GALNTL6: variants seen among roughly 807,000 people sequenced by gnomAD.
The protein encoded by GALNTL6 is polypeptide N-acetylgalactosaminyltransferase-like 6.
GALNTL6 carries 46 observed loss-of-function variants against 73.7 expected under a neutral mutation model. The ratio of observed to expected loss-of-function variants is 0.62; its 90% CI spans 0.49 to 0.80. The LOEUF (loss-of-function observed/expected upper bound fraction) is 0.80, where lower values mean the gene tolerates loss of function less well. GALNTL6 is among the 30% of genes least tolerant of loss of function. The probability of loss-of-function intolerance (pLI) is 0.00; values close to 1 mark genes in which losing one functional copy is unlikely to be tolerated. For synonymous variants in GALNTL6, 259 were observed against 263.7 expected, an observed-to-expected ratio of 0.98 and a Z score of 0.17; for missense variants, 604 against 755.0, an observed-to-expected ratio of 0.80 and a Z score of 2.34.
At chr4:172,055,889 G>A (rs1731006161) in intron 2 of GALNTL6, among the ~76,000 whole-genome samples, 1 of 152,082 alleles carries the variant, frequency 6.6e-6, no homozygotes, top group Admixed American at 6.6e-5. Context: ...AAGCTTGGGG[G>A]AAAATGGACA....
chr4:172,779,036 CTTAA>C (rs746358458), intron 5 of GALNTL6, among the ~76,000 whole-genome samples: 18 of 151,870 alleles, frequency 1.2e-4, no homozygotes, highest in Non-Finnish European at 2.2e-4. Context: ...CACACACAAA[CTTAA>C]TTGTCTGTTT....
intron 7 of GALNTL6, among the ~76,000 whole-genome samples, chr4:172,827,944 G>C (rs1306084304): frequency 6.6e-6 from 1 of 151,872 alleles, no homozygotes; most frequent in Non-Finnish European, 1.5e-5. Context: ...TTTAGACATT[G>C]AAGGAAGAAA....
At chr4:171,917,756 A>T (rs1170468374) in intron 2 of GALNTL6, among the ~76,000 whole-genome samples, 1 of 152,116 alleles carries the variant, frequency 6.6e-6, no homozygotes, top group East Asian at 1.9e-4. Flanking sequence ...TACAAATTAT[A>T]ATCAGAAGGC....
In GALNTL6 at chr4:172,800,633, T is replaced by C. The variant is rs1740586655; in HGVS notation, c.554-8728T>C. Among the ~76,000 whole-genome samples the C allele has an allele frequency of 2.6e-5, 4 of 152,298 alleles. No homozygotes were observed. In the South Asian group the frequency reaches 6.2e-4, roughly 24 times the overall value. On this transcript the variant is annotated intron_variant, in intron 5 of 12. Coordinates refer to ENST00000506823, the MANE Select transcript of GALNTL6 (RefSeq NM_001034845.3). ...AGTTTGTAATCTATATAGCCTATTT[T>C]TTTTGCAATACATAGAAAGTTTAAA...
At chr4:172,225,734 C>A (rs1048165329) in intron 2 of GALNTL6, among the ~76,000 whole-genome samples, 4 of 151,696 alleles carry the variant, frequency 2.6e-5, no homozygotes, top group Non-Finnish European at 4.4e-5. Flanking sequence ...TCAGCTTGGG[C>A]AACAGGGTGA....
intron 5 of GALNTL6, among the ~76,000 whole-genome samples, chr4:172,425,079 T>G (rs949220878): frequency 6.6e-6 from 1 of 152,076 alleles, no homozygotes; most frequent in Admixed American, 6.6e-5. Context: ...ATACTACAGA[T>G]GAAAAGTATC....
At chr4:171,983,026 T>G (rs1472392645) in intron 2 of GALNTL6, among the ~76,000 whole-genome samples, 1 of 152,182 alleles carries the variant, frequency 6.6e-6, no homozygotes, top group African/African-American at 2.4e-5. Flanking sequence ...CTCCTTGCAC[T>G]TTCTCTAAAT....
intron 5 of GALNTL6, among the ~76,000 whole-genome samples, chr4:172,747,930 A>G (rs933918623): frequency 8.6e-5 from 13 of 151,916 alleles, no homozygotes; most frequent in Non-Finnish European, 1.2e-4. Context: ...TAAGCCAGGC[A>G]CAGAGAGACA....
At chr4:172,276,556 T>C (rs1252887154) in intron 3 of GALNTL6, among the ~76,000 whole-genome samples, 1 of 152,216 alleles carries the variant, frequency 6.6e-6, no homozygotes, top group Admixed American at 6.5e-5. Flanking sequence ...AGTTTTCTTG[T>C]AGTGGAGGGG....
intron 10 of GALNTL6, among the ~76,000 whole-genome samples, chr4:172,953,825 T>G (rs17254336): frequency 0.19 from 28,589 of 152,248 alleles, 3,293 homozygotes; most frequent in Middle Eastern, 0.3. Context: ...AACATTTTAT[T>G]AAAACATCCC....
intron 2 of GALNTL6, among the ~76,000 whole-genome samples, chr4:171,853,599 C>CT (rs35078885): frequency 0.02 from 717 of 35,348 alleles, 304 homozygotes; most frequent in African/African-American, 0.024. Context: ...TTTAGCCACT[C>CT]TTTTTTTTTT....
intron 3 of GALNTL6, among the ~76,000 whole-genome samples, chr4:172,285,446 C>T (rs926842669): frequency 6.6e-6 from 1 of 152,102 alleles, no homozygotes; most frequent in Non-Finnish European, 1.5e-5. Context: ...CAAAGCATAA[C>T]CAGGAATCTA....
chr4:172,093,215 C>T (rs983425117), intron 2 of GALNTL6, among the ~76,000 whole-genome samples: 2 of 152,154 alleles, frequency 1.3e-5, no homozygotes, highest in Non-Finnish European at 2.9e-5. Flanking sequence ...ATCTGTCAAT[C>T]TCAGTCAACT....
chr4:172,219,805 T>C (rs1736614356), intron 2 of GALNTL6, among the ~76,000 whole-genome samples: 1 of 151,932 alleles, frequency 6.6e-6, no homozygotes, highest in African/African-American at 2.4e-5. Flanking sequence ...TGTAGACAAA[T>C]TATATTTATG....
At chr4:171,979,908 TAGAG>T (rs1298122545) in intron 2 of GALNTL6, among the ~76,000 whole-genome samples, 1 of 151,740 alleles carries the variant, frequency 6.6e-6, no homozygotes, top group Non-Finnish European at 1.5e-5. Flanking sequence ...AACATCTAGA[TAGAG>T]AGGGTCAAAG....
At chr4:171,909,805 G>C (rs1285269902) in intron 2 of GALNTL6, among the ~76,000 whole-genome samples, 1 of 152,100 alleles carries the variant, frequency 6.6e-6, no homozygotes, top group Non-Finnish European at 1.5e-5. Flanking sequence ...ATGAGTGTAT[G>C]ACTGCATTGT....
At position 171,919,833 on chromosome 4, in the gene GALNTL6, G is replaced by A. The variant is rs148760423; in HGVS notation, c.138+105115G>A. ...GGGACTGTAAACTAGTTCAACCATC[G>A]TGGAAGTCAGTGTGGCAATTCCTCA... is the stretch of plus-strand genomic sequence containing the variant. On this transcript the variant is annotated intron_variant, in intron 2 of 12. Transcript: ENST00000506823. 2.4e-4 allele frequency among the ~76,000 whole-genome samples: 36 copies of A among 152,200 alleles called. No individual in the cohort carries two copies. In the East Asian group the frequency reaches 6.0e-3, roughly 25 times the overall value.
intron 5 of GALNTL6, among the ~76,000 whole-genome samples, chr4:172,430,266 T>C (rs1190592002): frequency 6.6e-6 from 1 of 151,860 alleles, no homozygotes; most frequent in East Asian, 1.9e-4. Flanking sequence ...TATGGCATGA[T>C]GTGGAGAGGG....
chr4:172,451,468 A>G (rs1160134198), intron 5 of GALNTL6, among the ~76,000 whole-genome samples: 3 of 152,300 alleles, frequency 2.0e-5, no homozygotes, highest in Non-Finnish European at 2.9e-5. Flanking sequence ...TAATGGGCAG[A>G]AAGTGTTACA....
Sources: gnomAD v4.1 joint callset for allele counts (sites outside exome capture counted in the v4.1 genomes callset) on GRCh38, gnomAD v4.1.1 for gene constraint, MANE v1.5 for transcripts, NCBI Gene and HGNC (gene_info 2026-07-23, HGNC 2026-07-21) for gene names.